ANK1: variants seen among roughly 807,000 people sequenced by gnomAD.
The protein encoded by ANK1 is ankyrin-1.
In ANK1, 51 loss-of-function variants were observed where a neutral mutation model predicts 210.4. The observed-to-expected ratio is 0.24, with a 90% CI of 0.19 to 0.31. The LOEUF (loss-of-function observed/expected upper bound fraction) is 0.31. Among genes scored for constraint, ANK1 ranks in the 10% least tolerant of loss-of-function variants. The pLI is 1.00. For synonymous variants in ANK1, 967 were observed against 1,025.9 expected (o/e 0.94, Z 1.10); for missense variants, 2,051 against 2,504.4 (o/e 0.82, Z 3.86).
chr8:41,760,521 G>A (rs1322665076), intron 1 of ANK1, among the ~76,000 whole-genome samples: 2 of 152,030 alleles, frequency 1.3e-5, no homozygotes, highest in East Asian at 1.9e-4. Flanking sequence ...ATCTTTATTA[G>A]CAGTGTGAGA....
intron 16 of ANK1, among the ~76,000 whole-genome samples, chr8:41,710,729 C>A (rs1282932806): frequency 1.3e-5 from 2 of 152,220 alleles, no homozygotes; most frequent in Non-Finnish European, 2.9e-5. Flanking sequence ...CAGCATTCCT[C>A]TGGCTGAGGA....
At chr8:41,838,518 C>G (rs1808216198) in intron 1 of ANK1, among the ~76,000 whole-genome samples, 1 of 152,182 alleles carries the variant, frequency 6.6e-6, no homozygotes, top group Non-Finnish European at 1.5e-5. Context: ...GTAATTGCAG[C>G]ACTTTGGGAG....
intron 39 of ANK1, among the ~76,000 whole-genome samples, chr8:41,667,433 G>A (rs1374542331): frequency 6.6e-6 from 1 of 152,208 alleles, no homozygotes; most frequent in Non-Finnish European, 1.5e-5. Flanking sequence ...GAACAGTGGT[G>A]CATGTTTTAT....
chr8:41,767,849 C>T (rs1401722394), intron 1 of ANK1, among the ~76,000 whole-genome samples: 1 of 152,198 alleles, frequency 6.6e-6, no homozygotes, highest in African/African-American at 2.4e-5. Flanking sequence ...CCGGAGCTTG[C>T]CGAGACGTGG....
rs555848025 is a variant in ANK1 at position 41,874,471 on chromosome 8, C to T, written c.126+21884G>A. On this transcript the variant is annotated intron_variant, in intron 1 of 42. Coordinates refer to the ANK1 transcript ENST00000265709. The stretch of plus-strand genomic sequence containing the variant: ...TGGCTGCACTTTCGGGTCGCCTGCC[C>T]GCAGCCCCCAACCTCCTCCACCCCA... Among the ~76,000 whole-genome samples the T allele has an allele frequency of 2.6e-5, 4 of 152,182 alleles. 1 individual carries two copies. Among genetic ancestry groups the T allele is most frequent in the East Asian group, 1.9e-4 (1 of 5,198 alleles).
At chr8:41,727,006 G>A (rs555500392) in intron 5 of ANK1, among the ~76,000 whole-genome samples, 23 of 152,282 alleles carry the variant, frequency 1.5e-4, no homozygotes, top group Non-Finnish European at 7.4e-5. Context: ...TGGCCACAGC[G>A]GGAAGGACAC....
intron 1 of ANK1, among the ~76,000 whole-genome samples, chr8:41,822,132 G>GAGAAAGAA (rs71239083): frequency 4.0e-3 from 163 of 41,030 alleles, no homozygotes; most frequent in African/African-American, 8.0e-3. Context: ...GAGAAAGAAA[G>GAGAAAGAA]AGAAAGAAAG....
Position 41,730,598 on chromosome 8 carries a change from T to TCCATTGGATA in ANK1, c.229-2593_229-2592insTATCCAATGG, listed in dbSNP as rs571647297. On this transcript the variant is annotated intron_variant, in intron 3 of 42. Transcript: ENST00000289734. ...GAAGAAAAAGGTTTTTCCTCAGGTA[T>TCCATTGGATA]CCATTGGAGAATAAATGCCAGATAT... Among the ~76,000 whole-genome samples the TCCATTGGATA allele has an allele frequency of 5.4e-3, 824 of 152,324 alleles. 11 individuals carry two copies. The highest frequency in any genetic ancestry group is 0.019 in the African/African-American group (777 of 41,566).
intron 1 of ANK1, among the ~76,000 whole-genome samples, chr8:41,776,277 C>G (rs1457974175): frequency 6.6e-6 from 1 of 152,164 alleles, no homozygotes; most frequent in Non-Finnish European, 1.5e-5. Context: ...AGAAAAAATG[C>G]CAGCCACCAA....
At chr8:41,848,252 T>G (rs1810468947) in intron 1 of ANK1, among the ~76,000 whole-genome samples, 1 of 152,108 alleles carries the variant, frequency 6.6e-6, no homozygotes, top group African/African-American at 2.4e-5. Context: ...TACATTATTA[T>G]GCAACAAATA....
intron 6 of ANK1, 45 bp from the exon 7 acceptor site, chr8:41,724,599 T>A (rs2150655898): frequency 1.3e-6 from 2 of 1,529,120 alleles, no homozygotes; most frequent in Non-Finnish European, 1.8e-6. Flanking sequence ...TGTGATTTAC[T>A]TCTATCTCAG....
chr8:41,788,634 G>T (rs748463731), intron 1 of ANK1, among the ~76,000 whole-genome samples: 1 of 152,168 alleles, frequency 6.6e-6, no homozygotes, highest in Non-Finnish European at 1.5e-5. Flanking sequence ...ACGTAGCATG[G>T]TGGCGGGTAC....
In ANK1 at chr8:41,704,670, CG is replaced by C. The variant is rs989048694; in HGVS notation, c.2098-199del. 2.0e-5 allele frequency among the ~76,000 whole-genome samples: 3 copies of C among 152,220 alleles called. No individual in the cohort carries two copies. Among genetic ancestry groups the C allele is most frequent in the African/African-American group, 7.2e-5 (3 of 41,546 alleles). On this transcript the variant is annotated intron_variant, in intron 18 of 42. Coordinates refer to ENST00000289734, the MANE Select transcript of ANK1 (RefSeq NM_000037.4). This position sits in a 1 kb window ranked among gnomAD's most constrained non-coding sequence, Gnocchi z 4.1. ...GGGAGACCCAAGGGGAGACGTCAAG[CG>C]GGCAACTGGAAAATGGACACTGAAC... is the stretch of plus-strand genomic sequence containing the variant.
At chr8:41,849,260 T>C (rs1038651470) in intron 1 of ANK1, among the ~76,000 whole-genome samples, 12 of 152,248 alleles carry the variant, frequency 7.9e-5, no homozygotes, top group Non-Finnish European at 1.6e-4. Flanking sequence ...TCACACTTAC[T>C]GTCTGTACAA....
At chr8:41,664,063 G>T in intron 39 of ANK1, 1 of 516,150 alleles carries the variant, frequency 1.9e-6, no homozygotes, top group Non-Finnish European at 3.8e-6. Context: ...GAGGAAGTGA[G>T]GCACCTGTTT....
rs1362586072 is a variant in ANK1 at position 41,729,494 on chromosome 8, G to A, written c.229-1488C>T. Among the ~76,000 whole-genome samples the A allele has an allele frequency of 5.3e-5, 8 of 152,208 alleles. No individual in the cohort carries two copies. The South Asian group carries it at 1.5e-3, about 28-fold the overall frequency. On this transcript the variant is annotated intron_variant, in intron 3 of 42. Transcript: ENST00000289734. ...CAGCCTCCAACTCCTGGGCTCAAGC[G>A]ATCCTCCCACCTCAGCCTCCCAAGT...
At chr8:41,675,879 C>T (rs519619) in intron 37 of ANK1, among the ~76,000 whole-genome samples, 116,852 of 152,182 alleles carry the variant, frequency 0.77, 45,080 homozygotes, top group Admixed American at 0.81. Flanking sequence ...CTCTCTCTTT[C>T]TTTAAAGCCT....
intron 1 of ANK1, among the ~76,000 whole-genome samples, chr8:41,890,069 T>G (rs996026752): frequency 1.3e-5 from 2 of 152,264 alleles, no homozygotes; most frequent in African/African-American, 4.8e-5. Context: ...AGGCCAGGAA[T>G]GAACTTTGGT....
upstream of ANK1, among the ~76,000 whole-genome samples, chr8:41,798,144 G>T (rs1168099093): frequency 1.3e-5 from 2 of 152,000 alleles, no homozygotes; most frequent in Non-Finnish European, 2.9e-5. Flanking sequence ...GAGCCAGGGC[G>T]CACGCCCTGT....
Sources: allele counts gnomAD v4.1 joint callset (sites outside exome capture counted in the v4.1 genomes callset), GRCh38; gene constraint gnomAD v4.1.1; non-coding constraint Gnocchi (gnomAD v3.1); transcripts MANE v1.5; gene names NCBI Gene and HGNC (gene_info 2026-07-23, HGNC 2026-07-21).